The following TMEM117 variants were observed in gnomAD, a reference collection of about 807,000 sequenced individuals.
The protein encoded by TMEM117 is transmembrane protein 117.
TMEM117 carries 27 observed loss-of-function variants against 52.4 expected under a neutral mutation model. That is an observed-to-expected ratio of 0.51 (90% confidence interval 0.38 to 0.71). The LOEUF (loss-of-function observed/expected upper bound fraction) is 0.71. TMEM117 is among the 30% of genes least tolerant of loss of function. TMEM117 has a pLI of 0.00. For missense variants in TMEM117, 556 were observed against 630.5 expected (o/e 0.88, Z 1.26); for synonymous variants, 215 against 206.3 (o/e 1.04, Z -0.36).
At chr12:43,880,099 C>G (rs1048131231) in intron 2 of TMEM117, among the ~76,000 whole-genome samples, 3 of 152,082 alleles carry the variant, frequency 2.0e-5, no homozygotes, top group African/African-American at 7.2e-5. Context: ...ACTTTTAGTA[C>G]AAAATTTTCC....
At chr12:43,978,874 G>C (rs915585432) in intron 3 of TMEM117, among the ~76,000 whole-genome samples, 1 of 151,766 alleles carries the variant, frequency 6.6e-6, no homozygotes, top group Non-Finnish European at 1.5e-5. Context: ...AGGAAGTATA[G>C]CCTTGGGGCC....
intron 3 of TMEM117, among the ~76,000 whole-genome samples, chr12:44,030,304 C>T (rs1478934338): frequency 6.6e-6 from 1 of 152,042 alleles, no homozygotes; most frequent in Non-Finnish European, 1.5e-5. Context: ...TTCAATTTAC[C>T]TACCTTGGAG....
intron 2 of TMEM117, among the ~76,000 whole-genome samples, chr12:43,931,292 T>C (rs1444432658): frequency 4.6e-5 from 7 of 152,172 alleles, no homozygotes; most frequent in Admixed American, 1.3e-4. Context: ...TCAAACTATT[T>C]CCAAGTAATT....
intron 4 of TMEM117, among the ~76,000 whole-genome samples, chr12:44,154,777 C>T (rs530993900): frequency 6.9e-6 from 1 of 145,506 alleles, no homozygotes; most frequent in Non-Finnish European, 1.5e-5. Flanking sequence ...AAAAAAAAAA[C>T]CCCTTGTTTT....
chr12:43,920,292 G>A lies in TMEM117; in HGVS notation c.278-23918G>A, dbSNP rs571071891. Among the ~76,000 whole-genome samples, 36 of 152,274 alleles carry A rather than the reference G, an allele frequency of 2.4e-4. 1 individual carries two copies. Among genetic ancestry groups the A allele is most frequent in the African/African-American group, 8.2e-4 (34 of 41,568 alleles). On this transcript the variant is annotated intron_variant, in intron 2 of 7. Coordinates refer to ENST00000266534, the MANE Select transcript of TMEM117 (RefSeq NM_032256.3). ...TATAATCCCAGCACTTTGGGATGCC[G>A]AGGCGGGCGGATCACGAGGTCAGAA...
At chr12:44,026,437 A>C (rs1243954289) in intron 3 of TMEM117, among the ~76,000 whole-genome samples, 1 of 152,184 alleles carries the variant, frequency 6.6e-6, no homozygotes, top group Non-Finnish European at 1.5e-5. Flanking sequence ...GCCTCCAAAG[A>C]GACGGGTTTT....
intron 4 of TMEM117, among the ~76,000 whole-genome samples, chr12:44,201,376 C>CATATACATA (rs1401571113): frequency 6.6e-6 from 1 of 152,106 alleles, no homozygotes; most frequent in East Asian, 1.9e-4. Flanking sequence ...AGAAAACCAG[C>CATATACATA]ATATACATAA....
At chr12:44,221,459 C>G (rs1949787564) in intron 5 of TMEM117, among the ~76,000 whole-genome samples, 1 of 152,074 alleles carries the variant, frequency 6.6e-6, no homozygotes, top group African/African-American at 2.4e-5. Context: ...TGATATCATT[C>G]AGTATAGGGA....
intron 7 of TMEM117, among the ~76,000 whole-genome samples, chr12:44,387,353 A>G (rs942380477): frequency 4.6e-5 from 7 of 151,876 alleles, no homozygotes; most frequent in Admixed American, 4.6e-4. Flanking sequence ...ATATTAAAAA[A>G]AGAAATAATA....
At chr12:44,232,046 A>G (rs1362501077) in intron 5 of TMEM117, among the ~76,000 whole-genome samples, 1 of 151,702 alleles carries the variant, frequency 6.6e-6, no homozygotes, top group Non-Finnish European at 1.5e-5. Context: ...GTTGTTGCTT[A>G]ACCTATATAA....
chr12:44,289,225 TTGTGTGTGTGTG>T lies in TMEM117; in HGVS notation c.609-10325_609-10314del, dbSNP rs59507806. On this transcript the variant is annotated intron_variant, in intron 5 of 7. Transcript: ENST00000266534. ...TTTTAAGGCTGAATACTATCCCATT[TTGTGTGTGTGTG>T]TGTGTGTGTGTGTGTGTGTGTGTGT... Among the ~76,000 whole-genome samples, 617 of 146,088 alleles carry T rather than the reference TTGTGTGTGTGTG, an allele frequency of 4.2e-3. 3 individuals are homozygous for T. Among genetic ancestry groups the T allele is most frequent in the Non-Finnish European group, 5.7e-3 (375 of 66,312 alleles).
chr12:44,150,946 G>A (rs750072416), intron 4 of TMEM117, among the ~76,000 whole-genome samples: 6 of 152,044 alleles, frequency 3.9e-5, no homozygotes, highest in Admixed American at 3.3e-4. Flanking sequence ...GTCTCCTAAT[G>A]CCAATGCCCA....
intron 6 of TMEM117, among the ~76,000 whole-genome samples, chr12:44,330,546 A>C (rs1016150117): frequency 2.0e-5 from 3 of 152,024 alleles, no homozygotes; most frequent in Non-Finnish European, 2.9e-5. Flanking sequence ...GATATTTTAC[A>C]TTTTTTTCAT....
chr12:44,383,644 A>G (rs1037048407), intron 7 of TMEM117, among the ~76,000 whole-genome samples: 1 of 152,206 alleles, frequency 6.6e-6, no homozygotes, highest in Non-Finnish European at 1.5e-5. Context: ...ACAACAGGGG[A>G]AAATGCAAAA....
rs58196048 is a variant in TMEM117 at position 44,158,373 on chromosome 12, GACA to G, written c.510+14755_510+14757del. Among the ~76,000 whole-genome samples, 537 of 152,244 alleles carry G rather than the reference GACA, an allele frequency of 3.5e-3. 3 individuals carry two copies. The highest frequency in any genetic ancestry group is 0.012 in the African/African-American group (499 of 41,556). ...AGTTTTGACAAAACAGCTGCTCAAGGACAACAACTTTTGATGTGAAGTGGATCC... is the reference window on the plus strand; with the variant it reads ...AGTTTTGACAAAACAGCTGCTCAAGGACAACTTTTGATGTGAAGTGGATCC... On this transcript the variant is annotated intron_variant, in intron 4 of 7. Coordinates refer to ENST00000266534, the MANE Select transcript of TMEM117 (RefSeq NM_032256.3).
chr12:43,882,688 A>G (rs1433862613), intron 2 of TMEM117, among the ~76,000 whole-genome samples: 1 of 152,192 alleles, frequency 6.6e-6, no homozygotes, highest in African/African-American at 2.4e-5. Context: ...CTTTAGGTCA[A>G]TGAGCATAAA....
At chr12:44,304,423 C>A (rs1389732225) in intron 6 of TMEM117, among the ~76,000 whole-genome samples, 1 of 152,170 alleles carries the variant, frequency 6.6e-6, no homozygotes, top group Non-Finnish European at 1.5e-5. Context: ...CTTGGCTAGT[C>A]CTTGTGCTGT....
chr12:44,337,723 G>A (rs1048029061), intron 6 of TMEM117, among the ~76,000 whole-genome samples: 3 of 151,984 alleles, frequency 2.0e-5, no homozygotes, highest in Non-Finnish European at 4.4e-5. Context: ...TTAGTGTGAC[G>A]GCATGCAATC....
chr12:44,284,236 C>T (rs543377663), intron 5 of TMEM117, among the ~76,000 whole-genome samples: 49 of 152,102 alleles, frequency 3.2e-4, no homozygotes, highest in Admixed American at 1.5e-3. Flanking sequence ...TGCTTGAACC[C>T]GAGAGGTGGA....
Sources: gnomAD v4.1 joint callset for allele counts (sites outside exome capture counted in the v4.1 genomes callset) on GRCh38, gnomAD v4.1.1 for gene constraint, MANE v1.5 for transcripts, NCBI Gene and HGNC (gene_info 2026-07-23, HGNC 2026-07-21) for gene names.